The following ERBB4 variants were observed in gnomAD, a reference collection of about 807,000 sequenced individuals.
ERBB4 encodes erb-b2 receptor tyrosine kinase 4.
Under a neutral mutation model 158.0 loss-of-function variants are expected in ERBB4, and 42 were observed. The observed-to-expected ratio is 0.27, with a 90% confidence interval of 0.21 to 0.34. ERBB4 has a LOEUF of 0.34. Ranked by LOEUF, ERBB4 falls within the 10% of genes least tolerant of loss-of-function variation. The pLI, the probability that ERBB4 is intolerant of heterozygous loss-of-function variation, is 1.00. For missense variants in ERBB4, 1,333 were observed against 1,624.1 expected (o/e 0.82, Z 3.08); for synonymous variants, 583 against 558.7 (o/e 1.04, Z -0.61).
chr2:211,709,698 A>G (rs2073618702), intron 9 of ERBB4, among the ~76,000 whole-genome samples: 1 of 152,104 alleles, frequency 6.6e-6, no homozygotes, highest in Non-Finnish European at 1.5e-5. Flanking sequence ...AAAATGTCCT[A>G]CTAGACATTT....
chr2:211,605,173 T>G (rs2068936984), intron 19 of ERBB4, among the ~76,000 whole-genome samples: 1 of 152,162 alleles, frequency 6.6e-6, no homozygotes, highest in South Asian at 2.1e-4. Context: ...TTTATGAAGT[T>G]CAAGCTAATC....
At chr2:211,427,406 G>T (rs1300056683) in intron 22 of ERBB4, among the ~76,000 whole-genome samples, 1 of 151,908 alleles carries the variant, frequency 6.6e-6, no homozygotes, top group African/African-American at 2.4e-5. Context: ...CTCCTTCTTG[G>T]TATTACCGGA....
intron 1 of ERBB4, among the ~76,000 whole-genome samples, chr2:212,406,881 C>G (rs2091360771): frequency 6.6e-6 from 1 of 152,106 alleles, no homozygotes; most frequent in African/African-American, 2.4e-5. Context: ...ACATTCCACA[C>G]CCTTCCATTC....
intron 1 of ERBB4, among the ~76,000 whole-genome samples, chr2:212,472,366 C>A (rs1218308009): frequency 6.6e-6 from 1 of 151,698 alleles, no homozygotes; most frequent in Non-Finnish European, 1.5e-5. Context: ...AATAAATTGC[C>A]CCCAATTGCA....
intron 1 of ERBB4, among the ~76,000 whole-genome samples, chr2:212,369,719 G>A (rs2090018610): frequency 1.3e-5 from 2 of 151,944 alleles, no homozygotes; most frequent in Admixed American, 6.6e-5. Context: ...TGTGGGAACA[G>A]GGTCTCACTC....
At chr2:211,516,208 G>C (rs192755776) in intron 20 of ERBB4, among the ~76,000 whole-genome samples, 1 of 151,610 alleles carries the variant, frequency 6.6e-6, no homozygotes, top group Non-Finnish European at 1.5e-5. Flanking sequence ...GAGCCACTGC[G>C]CCCGGCCAAC....
At chr2:212,433,112 T>C (rs1157780873) in intron 1 of ERBB4, among the ~76,000 whole-genome samples, 3 of 152,070 alleles carry the variant, frequency 2.0e-5, no homozygotes, top group South Asian at 2.1e-4. Flanking sequence ...GAGTTACATA[T>C]TATGCATTCT....
chr2:211,640,802 T>C (rs1280316664), intron 16 of ERBB4, among the ~76,000 whole-genome samples: 1 of 152,062 alleles, frequency 6.6e-6, no homozygotes, highest in African/African-American at 2.4e-5. Flanking sequence ...TAAAAGGAGA[T>C]ATGGTGAGAA....
chr2:211,506,826 A>G (rs73071144), intron 20 of ERBB4, among the ~76,000 whole-genome samples: 8,976 of 152,132 alleles, frequency 0.059, 907 homozygotes, highest in African/African-American at 0.2. Context: ...ATATAATGTC[A>G]CACTTCCAAC....
intron 1 of ERBB4, among the ~76,000 whole-genome samples, chr2:212,167,867 C>T (rs1407782384): frequency 1.3e-5 from 2 of 152,034 alleles, no homozygotes; most frequent in African/African-American, 4.8e-5. Flanking sequence ...CATGTTCTCA[C>T]TCATAAGTGG....
intron 3 of ERBB4, among the ~76,000 whole-genome samples, chr2:211,911,178 G>A (rs1391686700): frequency 1.3e-5 from 2 of 152,172 alleles, no homozygotes; most frequent in Non-Finnish European, 2.9e-5. Flanking sequence ...TCAAAAATAA[G>A]TATTAATTTG....
At chr2:211,754,462 C>T (rs10185689) in intron 4 of ERBB4, among the ~76,000 whole-genome samples, 27,033 of 148,582 alleles carry the variant, frequency 0.18, 2,575 homozygotes, top group Non-Finnish European at 0.2. Flanking sequence ...AGTGCAGTGG[C>T]GCAATCTTGG....
At position 211,383,922 on chromosome 2, in the gene ERBB4, A is replaced by C. The variant is rs1264460817; in HGVS notation, c.3620T>G (p.Leu1207Arg). ...KAEDEYVNEP[L>R]YLNTFANTLG... The stretch of plus-strand genomic sequence containing the variant: ...GGTGTTGGCAAAGGTGTTGAGGTAC[A>C]GTGGCTCATTCACATACTCATCCTC... Residue 1207 changes from leucine to arginine, a missense_variant, in exon 28 of 28, where the codon CTG becomes CGG. Around this residue, in one of 5 missense-constraint regions of ERBB4, gnomAD observed 252 missense variants for 241.3 expected, o/e 1.04. Coordinates refer to ENST00000342788, the MANE Select transcript of ERBB4 (RefSeq NM_005235.3). 1 of 1,614,102 alleles carries C rather than the reference A, an allele frequency of 6.2e-7. No homozygotes were observed.
At chr2:212,329,188 T>C (rs2106287327) in intron 1 of ERBB4, among the ~76,000 whole-genome samples, 1 of 152,074 alleles carries the variant, frequency 6.6e-6, no homozygotes, top group East Asian at 1.9e-4. Context: ...TGAGTTTAGA[T>C]CTTATTTTGC....
intron 20 of ERBB4, among the ~76,000 whole-genome samples, chr2:211,502,229 G>A (rs536671722): frequency 1.3e-5 from 2 of 152,244 alleles, no homozygotes; most frequent in East Asian, 3.9e-4. Flanking sequence ...GAGTTTGCAT[G>A]TGCTCATAAC....
At chr2:212,049,656 C>G (rs1052560052) in intron 2 of ERBB4, among the ~76,000 whole-genome samples, 1 of 152,030 alleles carries the variant, frequency 6.6e-6, no homozygotes, top group Non-Finnish European at 1.5e-5. Context: ...TGTAAGAATA[C>G]CAGTTGGTTG....
At chr2:211,938,018 C>T (rs893509464) in intron 3 of ERBB4, among the ~76,000 whole-genome samples, 4 of 152,090 alleles carry the variant, frequency 2.6e-5, no homozygotes, top group Non-Finnish European at 5.9e-5. Context: ...ATCCAGAACC[C>T]TGCTGACTCA....
intron 2 of ERBB4, among the ~76,000 whole-genome samples, chr2:212,116,148 A>G (rs1172293888): frequency 6.6e-6 from 1 of 151,716 alleles, no homozygotes; most frequent in African/African-American, 2.4e-5. Flanking sequence ...GATTCCTGGA[A>G]AGCGGTTGCT....
At chr2:211,696,096 CTCTT>C (rs1172243414) in intron 12 of ERBB4, among the ~76,000 whole-genome samples, 2 of 131,368 alleles carry the variant, frequency 1.5e-5, no homozygotes, top group African/African-American at 2.9e-5. Context: ...CTTCCTCTCT[CTCTT>C]TCTTTCTCTT....
Sources: gnomAD v4.1 joint callset for allele counts (sites outside exome capture counted in the v4.1 genomes callset) on GRCh38, gnomAD v4.1.1 for gene constraint, gnomAD v4.1.1 regional missense constraint, MANE v1.5 for transcripts, NCBI Gene and HGNC (gene_info 2026-07-23, HGNC 2026-07-21) for gene names.